ELMO1: variants seen among roughly 807,000 people sequenced by gnomAD.
ELMO1 encodes the protein engulfment and cell motility 1.
ELMO1 carries 26 observed loss-of-function variants against 98.9 expected under a neutral mutation model. The observed-to-expected ratio is 0.26, with a 90% CI of 0.19 to 0.36. ELMO1 has a LOEUF of 0.36. ELMO1 is among the 10% of genes least tolerant of loss of function. The pLI is 1.00. For missense variants in ELMO1, 627 were observed against 935.2 expected (o/e 0.67, Z 4.30); for synonymous variants, 346 against 346.0 (o/e 1.00, Z 0.00).
intron 13 of ELMO1, among the ~76,000 whole-genome samples, chr7:37,149,773 T>C (rs186775083): frequency 5.9e-5 from 9 of 152,326 alleles, no homozygotes; most frequent in Non-Finnish European, 8.8e-5. Flanking sequence ...AAATCAGTCC[T>C]TGTACAAAGT....
intron 11 of ELMO1, among the ~76,000 whole-genome samples, chr7:37,215,883 T>C (rs1793252158): frequency 6.6e-6 from 1 of 152,222 alleles, no homozygotes; most frequent in African/African-American, 2.4e-5. Context: ...ACTTGAATAA[T>C]AATAAAACCT....
At chr7:37,178,414 G>T (rs1790625268) in intron 13 of ELMO1, among the ~76,000 whole-genome samples, 1 of 143,614 alleles carries the variant, frequency 7.0e-6, no homozygotes, top group South Asian at 2.4e-4. Context: ...AGTCATGGGA[G>T]CTACAATTCC....
intron 16 of ELMO1, among the ~76,000 whole-genome samples, chr7:36,903,203 T>C (rs1386057343): frequency 6.6e-6 from 1 of 152,210 alleles, no homozygotes; most frequent in African/African-American, 2.4e-5. Flanking sequence ...ATTCCTGCCC[T>C]TCCTCCTATC....
chr7:37,171,480 TC>T (rs1284371604), intron 13 of ELMO1, among the ~76,000 whole-genome samples: 1 of 117,950 alleles, frequency 8.5e-6, no homozygotes, highest in African/African-American at 3.2e-5. Context: ...ACCAGGCCTT[TC>T]TATTTTTTTT....
intron 4 of ELMO1, among the ~76,000 whole-genome samples, chr7:37,306,786 T>C (rs1306574271): frequency 3.3e-5 from 5 of 152,244 alleles, no homozygotes; most frequent in South Asian, 4.1e-4. Context: ...ATAAAAACCA[T>C]TGCATTGTAC....
chr7:37,385,482 T>C (rs995134284), intron 1 of ELMO1, among the ~76,000 whole-genome samples: 2 of 152,182 alleles, frequency 1.3e-5, no homozygotes, highest in South Asian at 2.1e-4. Context: ...GTCACCTCCT[T>C]AGAGAAGAGT....
At chr7:37,272,464 T>C (rs1796613000) in intron 4 of ELMO1, among the ~76,000 whole-genome samples, 1 of 152,200 alleles carries the variant, frequency 6.6e-6, no homozygotes, top group Non-Finnish European at 1.5e-5. Context: ...GGTCAGGAGT[T>C]TGAGACCAGC....
At chr7:36,932,510 G>C (rs1453364828) in intron 16 of ELMO1, among the ~76,000 whole-genome samples, 3 of 152,212 alleles carry the variant, frequency 2.0e-5, no homozygotes, top group African/African-American at 7.2e-5. Flanking sequence ...AGGATTGACT[G>C]TGGCTTACTC....
At chr7:37,003,524 T>C (rs761699553) in intron 16 of ELMO1, among the ~76,000 whole-genome samples, 13 of 152,182 alleles carry the variant, frequency 8.5e-5, no homozygotes, top group African/African-American at 2.9e-4. Context: ...AGGGTCAGTG[T>C]GTGGGTTGAA....
At chr7:37,126,736 C>T (rs1443424928) in intron 14 of ELMO1, among the ~76,000 whole-genome samples, 1 of 152,186 alleles carries the variant, frequency 6.6e-6, no homozygotes, top group Admixed American at 6.5e-5. Context: ...TCAGATCCTG[C>T]CTTTCTTCAC....
rs76127738 is a variant in ELMO1, at chr7:36,896,382, C to T, written c.1438-1365G>A. 9.1e-4 allele frequency among the ~76,000 whole-genome samples: 139 copies of T among 152,250 alleles called. 1 individual carries two copies. The East Asian group carries it at 0.02, about 22-fold the overall frequency. On this transcript the variant is annotated intron_variant, in intron 16 of 21. Transcript: ENST00000310758. ...TGATATATTTCTTGCCTTCCGTGAA[C>T]TAATGGTCTCATAAGAAAGGTGGAC... is the stretch of plus-strand genomic sequence containing the variant.
At chr7:37,132,336 T>C (rs1786978230) in intron 14 of ELMO1, among the ~76,000 whole-genome samples, 1 of 152,212 alleles carries the variant, frequency 6.6e-6, no homozygotes, top group African/African-American at 2.4e-5. Context: ...CATCTAGTCA[T>C]CATTTTAACC....
At chr7:37,302,749 T>G (rs1223581758) in intron 4 of ELMO1, among the ~76,000 whole-genome samples, 1 of 152,198 alleles carries the variant, frequency 6.6e-6, no homozygotes, top group Non-Finnish European at 1.5e-5. Flanking sequence ...TCATCTCTAC[T>G]GATAATGAAT....
In ELMO1 at chr7:37,055,911, A is replaced by G. The variant is rs145593556; in HGVS notation, c.1300+40708T>C. ...GTCTCGGCTGTAAGGGCAGCCCTAAATTTTCATGTTTTATTCCATATAATT... is the reference window on the plus strand; with the variant it reads ...GTCTCGGCTGTAAGGGCAGCCCTAAGTTTTCATGTTTTATTCCATATAATT... On this transcript the variant is annotated intron_variant, in intron 15 of 21. Coordinates refer to ENST00000310758, the MANE Select transcript of ELMO1 (RefSeq NM_014800.11). Among the ~76,000 whole-genome samples, 261 of 152,172 alleles carry G rather than the reference A, an allele frequency of 1.7e-3. 5 individuals carry two copies. Among genetic ancestry groups the G allele is most frequent in the African/African-American group, 6.0e-3 (248 of 41,492 alleles).
chr7:37,020,893 T>G (rs1584525415), intron 15 of ELMO1, among the ~76,000 whole-genome samples: 2 of 152,172 alleles, frequency 1.3e-5, no homozygotes, highest in South Asian at 4.1e-4. Flanking sequence ...ACAGAAAACC[T>G]GTTAGAGCAG....
In ELMO1 at chr7:36,853,777, C is replaced by T. The variant is rs759728788; in HGVS notation, c.*1774G>A. On this transcript the variant is annotated 3_prime_UTR_variant, in exon 22 of 22. Transcript: ENST00000310758. ...CCAGAGTGGCTGGTGCTGTGCCACG[C>T]TTAATACTGCATGCTTGGACCCTTC... 2.0e-5 allele frequency among the ~76,000 whole-genome samples: 3 copies of T among 152,192 alleles called. No individual in the cohort carries two copies. Among genetic ancestry groups the T allele is most frequent in the Non-Finnish European group, 4.4e-5 (3 of 68,032 alleles).
In ELMO1 at chr7:37,034,629, T is replaced by C. The variant is rs749943300; in HGVS notation, c.1301-21194A>G. Among the ~76,000 whole-genome samples the C allele has an allele frequency of 1.4e-3, 208 of 152,300 alleles. 1 individual carries two copies. Among genetic ancestry groups the C allele is most frequent in the Non-Finnish European group, 2.5e-3 (171 of 68,028 alleles). ...TTATATGTATTATATATTGTATTAT[T>C]ACAATAAAGTAAACCAGATAAAAGC... is the stretch of plus-strand genomic sequence containing the variant. On this transcript the variant is annotated intron_variant, in intron 15 of 21. Transcript: ENST00000310758.
intron 1 of ELMO1, among the ~76,000 whole-genome samples, chr7:37,390,076 T>C (rs1803002353): frequency 6.6e-6 from 1 of 151,950 alleles, no homozygotes; most frequent in South Asian, 2.1e-4. Context: ...ACAAGAAATG[T>C]CTGTGTATAG....
intron 5 of ELMO1, among the ~76,000 whole-genome samples, chr7:37,267,185 T>A (rs1415748860): frequency 6.6e-6 from 1 of 152,126 alleles, no homozygotes; most frequent in Non-Finnish European, 1.5e-5. Flanking sequence ...TCCTTTTATC[T>A]GAATATACAT....
Sources: allele counts gnomAD v4.1 joint callset (sites outside exome capture counted in the v4.1 genomes callset), GRCh38; gene constraint gnomAD v4.1.1; transcripts MANE v1.5; gene names NCBI Gene and HGNC (gene_info 2026-07-23, HGNC 2026-07-21).